The following NCKAP5 variants were observed in gnomAD, a reference collection of about 807,000 sequenced individuals.
NCKAP5 encodes nck-associated protein 5.
A neutral mutation model predicts 167.0 loss-of-function variants in NCKAP5; 92 were observed. The ratio of observed to expected loss-of-function variants is 0.55; its 90% confidence interval spans 0.47 to 0.66. The LOEUF is 0.66. Among genes scored for constraint, NCKAP5 ranks in the 30% least tolerant of loss-of-function variants. NCKAP5 has a pLI of 0.00. For missense variants in NCKAP5, 2,378 were observed against 2,315.0 expected, an observed-to-expected ratio of 1.03 and a Z score of -0.56; for synonymous variants, 891 against 877.4, an observed-to-expected ratio of 1.02 and a Z score of -0.27.
At chr2:132,904,470 G>T (rs1290830995) in intron 8 of NCKAP5, among the ~76,000 whole-genome samples, 2 of 152,040 alleles carry the variant, frequency 1.3e-5, no homozygotes, top group East Asian at 3.9e-4. Flanking sequence ...CAAGGATTAT[G>T]CTTAAACATA....
At chr2:133,329,742 G>C (rs914254950) in intron 3 of NCKAP5, among the ~76,000 whole-genome samples, 1 of 152,094 alleles carries the variant, frequency 6.6e-6, no homozygotes, top group African/African-American at 2.4e-5. Flanking sequence ...TGTAACTCCT[G>C]AATTCTCCAG....
intron 3 of NCKAP5, among the ~76,000 whole-genome samples, chr2:133,471,538 G>C (rs72846377): frequency 2.0e-5 from 3 of 151,760 alleles, no homozygotes; most frequent in East Asian, 3.9e-4. Context: ...GGGAGGGGAG[G>C]GGGGAAGCAA....
intron 18 of NCKAP5, among the ~76,000 whole-genome samples, chr2:132,726,537 C>CT (rs1168131547): frequency 2.0e-5 from 3 of 152,130 alleles, no homozygotes; most frequent in African/African-American, 7.2e-5. Flanking sequence ...ATTTGGGGCC[C>CT]TTTTTTCTGT....
At chr2:133,431,061 A>AT (rs1690131470) in intron 3 of NCKAP5, among the ~76,000 whole-genome samples, 2 of 152,062 alleles carry the variant, frequency 1.3e-5, no homozygotes, top group Non-Finnish European at 2.9e-5. Context: ...CAATGTTTTC[A>AT]TTTTTCATGG....
At chr2:133,557,308 A>T (rs1314660232) in intron 2 of NCKAP5, among the ~76,000 whole-genome samples, 1 of 152,136 alleles carries the variant, frequency 6.6e-6, no homozygotes, top group Non-Finnish European at 1.5e-5. Flanking sequence ...CATTTGGCAC[A>T]ACTTTTCCTA....
intron 10 of NCKAP5, among the ~76,000 whole-genome samples, chr2:132,866,340 A>G (rs1027441740): frequency 6.6e-6 from 1 of 152,238 alleles, no homozygotes; most frequent in Non-Finnish European, 1.5e-5. Flanking sequence ...AGATAACAAT[A>G]TGAATTTAAC....
At chr2:133,536,829 C>G (rs1685801229) in intron 2 of NCKAP5, among the ~76,000 whole-genome samples, 1 of 151,502 alleles carries the variant, frequency 6.6e-6, no homozygotes, top group South Asian at 2.1e-4. Context: ...TCCAAGCTAT[C>G]TGTTTTTTTA....
intron 1 of NCKAP5, among the ~76,000 whole-genome samples, chr2:133,563,844 C>T (rs1688355555): frequency 6.6e-6 from 1 of 152,078 alleles, no homozygotes; most frequent in South Asian, 2.1e-4. Context: ...TAAGAGTATG[C>T]ACTGTGGGGT....
At chr2:133,294,202 G>A (rs1679797808) in intron 4 of NCKAP5, among the ~76,000 whole-genome samples, 1 of 152,158 alleles carries the variant, frequency 6.6e-6, no homozygotes, top group Non-Finnish European at 1.5e-5. Flanking sequence ...CCACCATTAA[G>A]AATTCATGCA....
At chr2:132,800,551 G>A (rs1211807170) in intron 11 of NCKAP5, among the ~76,000 whole-genome samples, 2 of 152,044 alleles carry the variant, frequency 1.3e-5, no homozygotes, top group Non-Finnish European at 2.9e-5. Context: ...TTCCTTTGAC[G>A]GTGACAGTCT....
intron 6 of NCKAP5, among the ~76,000 whole-genome samples, chr2:133,013,204 G>C (rs549609178): frequency 6.6e-6 from 1 of 152,276 alleles, no homozygotes; most frequent in South Asian, 2.1e-4. Flanking sequence ...GCAACATTAG[G>C]TTTTGGCACA....
At chr2:133,219,426 G>T (rs1024953267) in intron 4 of NCKAP5, among the ~76,000 whole-genome samples, 19 of 152,290 alleles carry the variant, frequency 1.2e-4, no homozygotes, top group African/African-American at 4.6e-4. Flanking sequence ...TGCAGGAAAT[G>T]CAACCTATTA....
At chr2:133,609,733 C>T in the NCKAP5 span, among the ~76,000 whole-genome samples, 1 of 152,046 alleles carries the variant, frequency 6.6e-6, no homozygotes, top group Non-Finnish European at 1.5e-5. Context: ...GAGTTTTATA[C>T]CCCAAAGCTT....
chr2:133,019,751 T>G (rs1476483341), intron 6 of NCKAP5, among the ~76,000 whole-genome samples: 1 of 152,182 alleles, frequency 6.6e-6, no homozygotes, highest in South Asian at 2.1e-4. Flanking sequence ...ACCTTAAGAT[T>G]TGAAAATGCA....
At chr2:132,927,324 C>A (rs1284332984) in intron 8 of NCKAP5, among the ~76,000 whole-genome samples, 1 of 151,848 alleles carries the variant, frequency 6.6e-6, no homozygotes, top group East Asian at 1.9e-4. Flanking sequence ...GCTCTTTTTG[C>A]TTAGAATTGC....
Position 132,781,993 on chromosome 2 carries a change from G to A in NCKAP5, c.4818C>T (p.His1606=), listed in dbSNP as rs6730282. The A allele has an allele frequency of 0.49, 798,386 of 1,613,502 alleles. 199,866 individuals are homozygous for A. Among genetic ancestry groups the A allele is most frequent in the East Asian group, 0.74 (32,977 of 44,854 alleles). Residue 1606 remains histidine, a synonymous_variant, in exon 14 of 20, where the codon CAC becomes CAT. Transcript: ENST00000409261. ...CTTTCGTTGAACATGCAACAGGGCT[G>A]TGTCTATTCCTTGGTTCAATCTTCA... ...NQLKIEPRNR[H]SPVACSTKDT... is the part of the protein sequence containing the mutation.
In NCKAP5 at chr2:133,130,012, T is replaced by G. The variant is rs768102974; in HGVS notation, c.307A>C (p.Ile103Leu). The change falls in exon 6 of 20, where the codon ATT (isoleucine) becomes CTT (leucine). Residue 103 changes from isoleucine (I) to leucine (L), a missense_variant. Coordinates refer to ENST00000409261, the MANE Select transcript of NCKAP5 (RefSeq NM_207363.3). ...EVTLESERNR[I>L]QMRSLQQQFS... The stretch of plus-strand genomic sequence containing the variant: ...TGCTGCTGCAAGCTACGCATCTGAA[T>G]TCTGTTGCGTTCAGACTCTAGGGTC... 6.2e-7 allele frequency: 1 copy of G among 1,610,720 alleles called. No homozygotes were observed. Among genetic ancestry groups the G allele is most frequent in the South Asian group, 1.1e-5 (1 of 90,198 alleles).
intron 3 of NCKAP5, among the ~76,000 whole-genome samples, chr2:133,448,992 GAAT>G (rs1691384361): frequency 6.6e-6 from 1 of 152,208 alleles, no homozygotes; most frequent in Admixed American, 6.5e-5. Flanking sequence ...ATGTACACAT[GAAT>G]AATGAGAGAG....
chr2:133,439,211 TAAG>T (rs1690681381), intron 3 of NCKAP5, among the ~76,000 whole-genome samples: 1 of 152,226 alleles, frequency 6.6e-6, no homozygotes, highest in African/African-American at 2.4e-5. Context: ...AGCCTTCCAC[TAAG>T]AAGATAATCT....
Sources: gnomAD v4.1 joint callset for allele counts (sites outside exome capture counted in the v4.1 genomes callset) on GRCh38, gnomAD v4.1.1 for gene constraint, MANE v1.5 for transcripts, NCBI Gene and HGNC (gene_info 2026-07-23, HGNC 2026-07-21) for gene names.